The following EBF2 variants were observed in gnomAD, a reference collection of about 807,000 sequenced individuals.
EBF2 encodes the protein EBF transcription factor 2.
EBF2 carries 21 observed loss-of-function variants against 72.8 expected under a neutral mutation model. The observed-to-expected ratio is 0.29, with a 90% CI of 0.20 to 0.42. The LOEUF is 0.42. Among genes scored for constraint, EBF2 ranks in the 10% least tolerant of loss-of-function variants. The probability of loss-of-function intolerance (pLI) is 1.00; values close to 1 mark genes in which losing one functional copy is unlikely to be tolerated. For missense variants in EBF2, 637 were observed against 731.2 expected (o/e 0.87, Z 1.49); for synonymous variants, 299 against 274.2 (o/e 1.09, Z -0.89).
intron 6 of EBF2, among the ~76,000 whole-genome samples, chr8:26,022,707 G>A (rs1389540480): frequency 6.6e-6 from 1 of 152,126 alleles, no homozygotes; most frequent in Admixed American, 6.5e-5. Context: ...CAGCTCCTTG[G>A]TGGTCTCGAG....
intron 6 of EBF2, among the ~76,000 whole-genome samples, chr8:25,971,733 G>GT (rs1054450110): frequency 2.7e-4 from 41 of 151,426 alleles, no homozygotes; most frequent in Non-Finnish European, 4.1e-4. Flanking sequence ...ACCTTTTTGT[G>GT]TTTTTTTTTC....
intron 6 of EBF2, among the ~76,000 whole-genome samples, chr8:25,990,703 C>T (rs572118979): frequency 3.9e-5 from 6 of 152,186 alleles, no homozygotes; most frequent in Non-Finnish European, 7.3e-5. Flanking sequence ...AGCCAAATGG[C>T]ATCAGGCTTC....
At position 25,887,921 on chromosome 8, in the gene EBF2, C is replaced by T. The variant is rs1585182527; in HGVS notation, c.803G>A (p.Gly268Glu). Residue 268 changes from glycine to glutamate, a missense_variant, in exon 9 of 16, where the codon GGA becomes GAA. This residue lies in a region of EBF2 where 204 missense variants were observed against 301.2 expected (regional missense o/e 0.68). Coordinates refer to ENST00000520164, the MANE Select transcript of EBF2 (RefSeq NM_022659.4). ...ISPSEGWTTGGAMVIIIGDNF... is the reference protein window; with the variant it reads ...ISPSEGWTTGEAMVIIIGDNF... ...GTCCCCGATGATGATGACCATGGCT[C>T]CTCCTGTGGTCCAGCCTTCACTCGG... 6.2e-7 allele frequency: 1 copy of T among 1,613,848 alleles called. No homozygotes were observed. Among genetic ancestry groups the T allele is most frequent in the East Asian group, 2.2e-5 (1 of 44,864 alleles).
At chr8:26,040,511 C>G in intron 4 of EBF2, 105 bp downstream of exon 4, 1 of 1,111,920 alleles carries the variant, frequency 9.0e-7, no homozygotes, top group Non-Finnish European at 1.3e-6. Flanking sequence ...GCTGTGGAGT[C>G]TGACCCAGGA....
At chr8:25,917,072 G>A (rs1187966363) in intron 6 of EBF2, among the ~76,000 whole-genome samples, 1 of 152,124 alleles carries the variant, frequency 6.6e-6, no homozygotes, top group Non-Finnish European at 1.5e-5. Flanking sequence ...GCAGTTGACT[G>A]TAAACGGCTG....
intron 6 of EBF2, among the ~76,000 whole-genome samples, chr8:25,926,996 A>G (rs1179338365): frequency 6.6e-6 from 1 of 152,202 alleles, no homozygotes; most frequent in Admixed American, 6.5e-5. Context: ...GTTCTTGTCA[A>G]CATGGCTGGG....
intron 6 of EBF2, among the ~76,000 whole-genome samples, chr8:25,966,247 T>A (rs547300199): frequency 6.6e-6 from 1 of 152,220 alleles, no homozygotes; most frequent in South Asian, 2.1e-4. Context: ...TTGGAGATTT[T>A]GATTCATTCA....
intron 7 of EBF2, among the ~76,000 whole-genome samples, chr8:25,891,405 A>G (rs1423033636): frequency 3.9e-5 from 6 of 152,090 alleles, no homozygotes; most frequent in Non-Finnish European, 8.8e-5. Flanking sequence ...TATTATATAC[A>G]TACTCACAAA....
At chr8:25,948,469 A>G (rs1444094135) in intron 6 of EBF2, among the ~76,000 whole-genome samples, 1 of 152,188 alleles carries the variant, frequency 6.6e-6, no homozygotes, top group Non-Finnish European at 1.5e-5. Flanking sequence ...ATGGGCCCAG[A>G]GTCCCACTCT....
At chr8:25,868,979 T>A (rs1802383269) in intron 10 of EBF2, among the ~76,000 whole-genome samples, 1 of 152,202 alleles carries the variant, frequency 6.6e-6, no homozygotes, top group African/African-American at 2.4e-5. Flanking sequence ...ATTTTCTATG[T>A]TCTATATTTT....
chr8:25,905,237 T>TG (rs1405410627), intron 7 of EBF2, among the ~76,000 whole-genome samples: 1 of 152,054 alleles, frequency 6.6e-6, no homozygotes, highest in Non-Finnish European at 1.5e-5. Flanking sequence ...AGATTACCAG[T>TG]GGAAATGTAA....
chr8:25,982,587 A>G (rs886333370), intron 6 of EBF2, among the ~76,000 whole-genome samples: 14 of 152,070 alleles, frequency 9.2e-5, no homozygotes, highest in Admixed American at 2.6e-4. Context: ...AGGAGGTTGG[A>G]GAACTGTATG....
At chr8:25,959,371 A>C (rs1453623723) in intron 6 of EBF2, among the ~76,000 whole-genome samples, 1 of 151,944 alleles carries the variant, frequency 6.6e-6, no homozygotes, top group African/African-American at 2.4e-5. Flanking sequence ...TGCCTGGCTA[A>C]TTTTTGTATT....
intron 14 of EBF2, among the ~76,000 whole-genome samples, chr8:25,851,778 C>T (rs1801982994): frequency 6.6e-6 from 1 of 152,172 alleles, no homozygotes; most frequent in Non-Finnish European, 1.5e-5. Flanking sequence ...CAATGGACCA[C>T]CTGTCCTTCA....
intron 6 of EBF2, among the ~76,000 whole-genome samples, chr8:25,990,275 T>C (rs1273854199): frequency 2.6e-5 from 4 of 151,956 alleles, no homozygotes; most frequent in Non-Finnish European, 5.9e-5. Flanking sequence ...GAGTTTAAAA[T>C]ACCCTATTTA....
intron 6 of EBF2, among the ~76,000 whole-genome samples, chr8:25,985,095 G>A (rs1432470140): frequency 6.6e-6 from 1 of 152,118 alleles, no homozygotes; most frequent in Non-Finnish European, 1.5e-5. Context: ...GCAAGGCATG[G>A]GCTGCAACCA....
At chr8:26,025,292 G>T (rs1414905985) in intron 6 of EBF2, among the ~76,000 whole-genome samples, 1 of 152,224 alleles carries the variant, frequency 6.6e-6, no homozygotes, top group East Asian at 1.9e-4. Context: ...TTGTGAATAC[G>T]TATTTTTTGT....
intron 6 of EBF2, among the ~76,000 whole-genome samples, chr8:25,955,128 G>A (rs2117172933): frequency 6.6e-6 from 1 of 152,352 alleles, no homozygotes; most frequent in Non-Finnish European, 1.5e-5. Context: ...TGATCACAGC[G>A]ACAAGAGCAT....
intron 6 of EBF2, among the ~76,000 whole-genome samples, chr8:25,922,039 C>T (rs950912821): frequency 4.6e-5 from 7 of 152,158 alleles, no homozygotes; most frequent in African/African-American, 1.7e-4. Flanking sequence ...TGAAATCTCC[C>T]ATCTCATTTG....
Sources: allele counts gnomAD v4.1 joint callset (sites outside exome capture counted in the v4.1 genomes callset), GRCh38; gene constraint gnomAD v4.1.1; regional missense constraint gnomAD v4.1.1; transcripts MANE v1.5; gene names NCBI Gene and HGNC (gene_info 2026-07-23, HGNC 2026-07-21).